ADAMTS17: variants seen among roughly 807,000 people sequenced by gnomAD.
ADAMTS17 encodes ADAM metallopeptidase with thrombospondin type 1 motif 17, also known as A disintegrin and metalloproteinase with thrombospondin motifs 17.
In ADAMTS17, 113 loss-of-function variants were observed where a neutral mutation model predicts 141.5. That is an observed-to-expected ratio of 0.80 (90% CI 0.69 to 0.93). The LOEUF (loss-of-function observed/expected upper bound fraction) is 0.93. ADAMTS17 is among the 40% of genes least tolerant of loss of function. The probability of loss-of-function intolerance (pLI) is 0.00; values close to 1 mark genes in which losing one functional copy is unlikely to be tolerated. For synonymous variants in ADAMTS17, 768 were observed against 630.6 expected (o/e 1.22, Z -3.27); for missense variants, 1,659 against 1,517.9 (o/e 1.09, Z -1.54).
chr15:100,187,124 G>A lies in ADAMTS17; in HGVS notation c.1181+12194C>T, dbSNP rs8029890. 9.4e-3 allele frequency among the ~76,000 whole-genome samples: 1,424 copies of A among 152,248 alleles called. 24 individuals carry two copies. The highest frequency in any genetic ancestry group is 0.033 in the African/African-American group (1,353 of 41,526). On this transcript the variant is annotated intron_variant, in intron 8 of 21. Transcript: ENST00000268070. ...ATCACCCAGGACCTCAGCTCCCACC[G>A]GTACAAGGTGCACTGCACATCCCTG...
chr15:100,103,780 C>T (rs531058933), intron 14 of ADAMTS17, among the ~76,000 whole-genome samples: 18 of 152,138 alleles, frequency 1.2e-4, no homozygotes, highest in South Asian at 2.1e-4. Flanking sequence ...TTCACCATAT[C>T]GGCCAGGCTG....
intron 14 of ADAMTS17, among the ~76,000 whole-genome samples, chr15:100,101,522 C>T (rs2036099159): frequency 6.6e-6 from 1 of 152,232 alleles, no homozygotes; most frequent in South Asian, 2.1e-4. Context: ...CACGCCTTCG[C>T]CTCTGGTCGT....
At chr15:100,120,201 C>G (rs2037382557) in intron 12 of ADAMTS17, among the ~76,000 whole-genome samples, 1 of 152,182 alleles carries the variant, frequency 6.6e-6, no homozygotes, top group Admixed American at 6.5e-5. Context: ...GCAAAAACTA[C>G]CTGAAGAAAC....
At chr15:100,100,151 C>T (rs958656156) in intron 14 of ADAMTS17, among the ~76,000 whole-genome samples, 8 of 152,128 alleles carry the variant, frequency 5.3e-5, no homozygotes, top group South Asian at 2.1e-4. Flanking sequence ...TGGAGGGAGA[C>T]GCCAGTGCGG....
At chr15:100,034,828 A>G (rs1231078050) in intron 18 of ADAMTS17, among the ~76,000 whole-genome samples, 1 of 151,952 alleles carries the variant, frequency 6.6e-6, no homozygotes, top group African/African-American at 2.4e-5. Context: ...GACCTGATAA[A>G]CTCATTCCCA....
intron 18 of ADAMTS17, among the ~76,000 whole-genome samples, chr15:100,026,216 G>A (rs2061512856): frequency 6.6e-6 from 1 of 152,176 alleles, no homozygotes; most frequent in South Asian, 2.1e-4. Flanking sequence ...TCCAAGTTTT[G>A]TAGAACAATA....
chr15:100,052,489 A>G (rs1242608704), intron 16 of ADAMTS17, among the ~76,000 whole-genome samples: 1 of 152,222 alleles, frequency 6.6e-6, no homozygotes, highest in Non-Finnish European at 1.5e-5. Context: ...CCTGGTCTGA[A>G]TGAATCCAGG....
At chr15:100,309,415 T>C (rs899209137) in intron 3 of ADAMTS17, among the ~76,000 whole-genome samples, 2 of 152,176 alleles carry the variant, frequency 1.3e-5, no homozygotes, top group Non-Finnish European at 1.5e-5. Flanking sequence ...TGGTCGGCGC[T>C]GGGATGGAAC....
chr15:100,056,025 C>G (rs2032538128), intron 15 of ADAMTS17, among the ~76,000 whole-genome samples: 1 of 152,178 alleles, frequency 6.6e-6, no homozygotes, highest in South Asian at 2.1e-4. Context: ...GATTTTATGA[C>G]TAATGCTGAA....
intron 18 of ADAMTS17, among the ~76,000 whole-genome samples, chr15:100,003,959 G>T (rs2060981178): frequency 6.6e-6 from 1 of 152,252 alleles, no homozygotes; most frequent in Non-Finnish European, 1.5e-5. Flanking sequence ...GGCTGCACAA[G>T]GTGAATGTAC....
At chr15:100,272,367 C>T (rs1033979878) in intron 4 of ADAMTS17, among the ~76,000 whole-genome samples, 3 of 152,004 alleles carry the variant, frequency 2.0e-5, no homozygotes, top group African/African-American at 7.2e-5. Context: ...TCTTTAATTT[C>T]CTTCATTGAT....
rs145980199 is a variant in ADAMTS17, at chr15:100,272,373, T to C, written c.789+8856A>G. ...TTTATGTCTTCTTTAATTTCCTTCA[T>C]TGATGTTTTACAGCTTTCCATGTAA... On this transcript the variant is annotated intron_variant, in intron 4 of 21. Transcript: ENST00000268070. 1.8e-3 allele frequency among the ~76,000 whole-genome samples: 274 copies of C among 152,232 alleles called. 1 individual carries two copies. Among genetic ancestry groups the C allele is most frequent in the Admixed American group, 4.6e-3 (71 of 15,296 alleles).
At chr15:100,159,476 T>G (rs1413958422) in intron 8 of ADAMTS17, among the ~76,000 whole-genome samples, 1 of 152,240 alleles carries the variant, frequency 6.6e-6, no homozygotes, top group African/African-American at 2.4e-5. Flanking sequence ...TATCTTAAAT[T>G]TGACTTAGGG....
chr15:100,303,772 T>C (rs1306900856), intron 3 of ADAMTS17, among the ~76,000 whole-genome samples: 1 of 152,210 alleles, frequency 6.6e-6, no homozygotes, highest in Non-Finnish European at 1.5e-5. Context: ...CAGGCTGGAG[T>C]GCAGTGGTGT....
At chr15:100,278,408 T>C (rs190557849) in intron 4 of ADAMTS17, among the ~76,000 whole-genome samples, 1 of 151,778 alleles carries the variant, frequency 6.6e-6, no homozygotes, top group Admixed American at 6.5e-5. Context: ...GTTGATGACT[T>C]TGAAGGAGGG....
At chr15:100,083,100 T>C (rs1040658259) in intron 15 of ADAMTS17, among the ~76,000 whole-genome samples, 15 of 152,228 alleles carry the variant, frequency 9.9e-5, no homozygotes, top group African/African-American at 1.9e-4. Flanking sequence ...ACCATGTGAC[T>C]TGAAGAGTAA....
intron 15 of ADAMTS17, among the ~76,000 whole-genome samples, chr15:100,091,810 T>A (rs2035487616): frequency 6.6e-6 from 1 of 152,200 alleles, no homozygotes; most frequent in Non-Finnish European, 1.5e-5. Context: ...AAATAGATCA[T>A]AAAATATTTG....
At chr15:100,224,198 A>G (rs2042228734) in intron 7 of ADAMTS17, among the ~76,000 whole-genome samples, 2 of 152,102 alleles carry the variant, frequency 1.3e-5, no homozygotes, top group South Asian at 4.1e-4. Flanking sequence ...TCAAGTTGAC[A>G]CTCGGTATTA....
chr15:100,286,488 C>A (rs527454800), intron 3 of ADAMTS17, among the ~76,000 whole-genome samples: 4 of 152,322 alleles, frequency 2.6e-5, no homozygotes, highest in African/African-American at 7.2e-5. Context: ...TTACTAACTG[C>A]AGGGGACCAG....
Sources: allele counts gnomAD v4.1 joint callset (sites outside exome capture counted in the v4.1 genomes callset), GRCh38; gene constraint gnomAD v4.1.1; transcripts MANE v1.5; gene names NCBI Gene and HGNC (gene_info 2026-07-23, HGNC 2026-07-21).